Variants in ANK2 observed in about 807,000 individuals in gnomAD.
ANK2 encodes ankyrin 2.
ANK2 carries 83 observed loss-of-function variants against 360.5 expected under a neutral mutation model. That is an observed-to-expected ratio of 0.23 (90% confidence interval 0.19 to 0.28). ANK2 has a LOEUF of 0.28. Ranked by LOEUF, ANK2 falls within the 10% of genes least tolerant of loss-of-function variation. The pLI is 1.00. For synonymous variants in ANK2, 1,740 were observed against 1,759.5 expected (o/e 0.99, Z 0.28); for missense variants, 4,201 against 4,795.7 (o/e 0.88, Z 3.66).
At chr4:112,770,543 T>C in the ANK2 span, among the ~76,000 whole-genome samples, 3 of 152,092 alleles carry the variant, frequency 2.0e-5, no homozygotes, top group African/African-American at 7.2e-5. Flanking sequence ...CTGTCTCTAC[T>C]AAAAATACAA....
At chr4:113,303,662 A>C (rs1321404046) in intron 23 of ANK2, among the ~76,000 whole-genome samples, 1 of 152,242 alleles carries the variant, frequency 6.6e-6, no homozygotes, top group Non-Finnish European at 1.5e-5. Flanking sequence ...CTACTAAAAA[A>C]TCATGAAAGC....
In ANK2 at chr4:113,182,773, C is replaced by T. The variant is rs529278374; in HGVS notation, c.186+8256C>T. ...TGGAGGGGTAAAAGCTGGACTGGAGCTCATTCAATGGATGACGGGCAGACC... is the reference window on the plus strand; with the variant it reads ...TGGAGGGGTAAAAGCTGGACTGGAGTTCATTCAATGGATGACGGGCAGACC... On this transcript the variant is annotated intron_variant, in intron 2 of 45. Transcript: ENST00000357077. Among the ~76,000 whole-genome samples, 9 of 152,156 alleles carry T rather than the reference C, an allele frequency of 5.9e-5. No individual in the cohort carries two copies. In the East Asian group the frequency reaches 1.7e-3, roughly 29 times the overall value.
chr4:113,056,205 A>G (rs548321379), intron 1 of ANK2, among the ~76,000 whole-genome samples: 93 of 152,318 alleles, frequency 6.1e-4, no homozygotes, highest in African/African-American at 2.1e-3. Context: ...GCCACCATAA[A>G]AAGTTCACCC....
intron 14 of ANK2, among the ~76,000 whole-genome samples, 189 bp from the exon 15 acceptor site, chr4:113,274,263 G>A (rs1045250876): frequency 6.6e-6 from 1 of 152,192 alleles, no homozygotes; most frequent in African/African-American, 2.4e-5. Context: ...ATCAAAGGGA[G>A]ACTTTGTGAC....
chr4:112,740,788 G>A, the ANK2 span, among the ~76,000 whole-genome samples: 6 of 151,636 alleles, frequency 4.0e-5, no homozygotes, highest in African/African-American at 1.2e-4. Flanking sequence ...CCAAAAGTTC[G>A]AGACCAGGCT....
intron 2 of ANK2, among the ~76,000 whole-genome samples, chr4:112,937,977 A>T (rs1429567672): frequency 6.6e-6 from 1 of 152,236 alleles, no homozygotes; most frequent in Non-Finnish European, 1.5e-5. Flanking sequence ...TATGAGTATG[A>T]ATGAATATTT....
chr4:112,847,849 T>C (rs2063691383), intron 1 of ANK2, among the ~76,000 whole-genome samples: 1 of 152,232 alleles, frequency 6.6e-6, no homozygotes, highest in African/African-American at 2.4e-5. Flanking sequence ...ACAGTCTAGT[T>C]CTAGCTGACT....
chr4:112,739,275 C>T, the ANK2 span, among the ~76,000 whole-genome samples: 3 of 152,138 alleles, frequency 2.0e-5, no homozygotes, highest in African/African-American at 7.2e-5. Context: ...GTTTGATGCA[C>T]TTAGAAGCAC....
chr4:113,332,856 G>A (rs955780346), intron 28 of ANK2, 198 bp from the exon 29 acceptor site: 1 of 659,996 alleles, frequency 1.5e-6, no homozygotes, highest in Admixed American at 2.5e-5. Context: ...GTAGCAGCAT[G>A]TACCTGAGGA....
rs754363523 is a variant in ANK2, at chr4:113,353,843, G to T, written c.5225G>T (p.Gly1742Val). Residue 1742 changes from glycine (G) to valine (V), a missense_variant, in exon 38 of 46, where the codon GGT becomes GTT. This residue lies in a region of ANK2 where 2,642 missense variants were observed against 2,714.5 expected (regional missense o/e 0.97). Transcript: ENST00000357077. ...SSEESLGEDP[G>V]LAPEPLPTVK... is the part of the protein sequence containing the mutation. ...GAAGAGTCATTAGGTGAAGACCCAG[G>T]TTTAGCCCCTGAACCCCTTCCCACT... The T allele has an allele frequency of 1.2e-6, 2 of 1,614,010 alleles. No homozygotes were observed. Among genetic ancestry groups the T allele is most frequent in the African/African-American group, 1.3e-5 (1 of 75,022 alleles).
intron 26 of ANK2, among the ~76,000 whole-genome samples, chr4:113,329,199 C>G (rs144521944): frequency 1.3e-3 from 196 of 152,300 alleles, no homozygotes; most frequent in African/African-American, 4.1e-3. Flanking sequence ...CTCCTCGACA[C>G]AGTAAGTGCC....
chr4:112,846,108 A>C (rs1012437129), intron 1 of ANK2, among the ~76,000 whole-genome samples: 1 of 151,532 alleles, frequency 6.6e-6, no homozygotes, highest in African/African-American at 2.4e-5. Context: ...CTTCCTATTA[A>C]ATTTTTTTCT....
intron 1 of ANK2, among the ~76,000 whole-genome samples, chr4:113,129,034 T>A (rs1275226230): frequency 6.6e-6 from 1 of 152,042 alleles, no homozygotes; most frequent in East Asian, 1.9e-4. Flanking sequence ...ATGGGGCATA[T>A]CAACCTGAAG....
At chr4:113,203,455 C>T (rs895889999) in intron 4 of ANK2, among the ~76,000 whole-genome samples, 24 of 151,064 alleles carry the variant, frequency 1.6e-4, no homozygotes, top group Admixed American at 4.0e-4. Flanking sequence ...AAAAATACAT[C>T]TTTAATTTCT....
rs200877971 is a variant in ANK2, at chr4:113,355,767, G to A, written c.7149G>A (p.Pro2383=). ...TATSDETKAL[P]LPEASVKTDT... is the part of the protein sequence containing the mutation. ...CCTCAGACGAGACAAAGGCCTTGCCGCTGCCTGAGGCTTCTGTAAAGACAG... is the reference window on the plus strand; with the variant it reads ...CCTCAGACGAGACAAAGGCCTTGCCACTGCCTGAGGCTTCTGTAAAGACAG... The change falls in exon 38 of 46, where the codon CCG becomes CCA. Residue 2383 remains proline (P), a synonymous_variant. Coordinates refer to ENST00000357077, the MANE Select transcript of ANK2 (RefSeq NM_001148.6). 46 of 1,613,976 alleles carry A rather than the reference G, an allele frequency of 2.9e-5. No individual in the cohort carries two copies. Among genetic ancestry groups the A allele is most frequent in the Middle Eastern group, 1.6e-4 (1 of 6,080 alleles).
chr4:113,108,651 T>TG (rs2093943039), intron 1 of ANK2, among the ~76,000 whole-genome samples: 1 of 152,176 alleles, frequency 6.6e-6, no homozygotes, highest in South Asian at 2.1e-4. Flanking sequence ...GCTTCTACTC[T>TG]GTTTTTCAAG....
At chr4:112,743,192 G>A in the ANK2 span, among the ~76,000 whole-genome samples, 2 of 152,112 alleles carry the variant, frequency 1.3e-5, no homozygotes, top group African/African-American at 4.8e-5. Flanking sequence ...CCTTTTTGGG[G>A]ACAGAAACAT....
chr4:112,853,529 C>T (rs149159097), intron 1 of ANK2, among the ~76,000 whole-genome samples: 2,375 of 152,186 alleles, frequency 0.016, 34 homozygotes, highest in Middle Eastern at 0.027. Flanking sequence ...ATAATGACTC[C>T]TATTTGTCTC....
At chr4:113,360,224 A>G (rs1387434671) in intron 38 of ANK2, among the ~76,000 whole-genome samples, 1 of 152,218 alleles carries the variant, frequency 6.6e-6, no homozygotes, top group Non-Finnish European at 1.5e-5. Flanking sequence ...AACTTTGCCC[A>G]AAAGACATAT....
Sources: gnomAD v4.1 joint callset for allele counts (sites outside exome capture counted in the v4.1 genomes callset) on GRCh38, gnomAD v4.1.1 for gene constraint, gnomAD v4.1.1 regional missense constraint, MANE v1.5 for transcripts, NCBI Gene and HGNC (gene_info 2026-07-23, HGNC 2026-07-21) for gene names.